The following EFCAB6 variants were observed in gnomAD, a reference collection of about 807,000 sequenced individuals.
EFCAB6 encodes EF-hand calcium-binding domain-containing protein 6.
EFCAB6 carries 156 observed loss-of-function variants against 169.8 expected under a neutral mutation model. That is an observed-to-expected ratio of 0.92 (90% CI 0.81 to 1.05). EFCAB6 has a LOEUF of 1.05. EFCAB6 is among the 50% of genes least tolerant of loss of function. EFCAB6 has a pLI of 0.00. For missense variants in EFCAB6, 1,800 were observed against 1,829.1 expected (o/e 0.98, Z 0.29); for synonymous variants, 698 against 676.4 (o/e 1.03, Z -0.50).
intron 29 of EFCAB6, chr22:43,535,510 G>A (rs1251322245): frequency 1.3e-5 from 2 of 152,218 alleles, no homozygotes; most frequent in African/African-American, 4.8e-5. Flanking sequence ...AGTGTTGCTG[G>A]TGGCCGAGAG....
At chr22:43,683,900 G>A in intron 11 of EFCAB6, 45 bp from the exon 12 acceptor site, 1 of 1,462,386 alleles carries the variant, frequency 6.8e-7, no homozygotes, top group Non-Finnish European at 9.6e-7. Context: ...TTATGTTCTT[G>A]AACTTTGTTC....
chr22:43,740,860 C>G (rs2060343100), intron 6 of EFCAB6, among the ~76,000 whole-genome samples: 2 of 152,200 alleles, frequency 1.3e-5, no homozygotes, highest in African/African-American at 4.8e-5. Context: ...AGATTTACCT[C>G]CTTTGGTAAA....
In EFCAB6 at chr22:43,632,384, C is replaced by G. The variant is rs1056992369; in HGVS notation, c.2099-146G>C. 5.0e-6 allele frequency: 6 copies of G among 1,192,160 alleles called. No homozygotes were observed. In the African/African-American group the frequency reaches 9.5e-5, roughly 19 times the overall value. The allele number at this position is 1,192,160 out of a possible 1,614,324, so 73.8% of individuals were successfully genotyped here. On this transcript the variant is annotated intron_variant, in intron 18 of 31. Transcript: ENST00000262726. ...GTGCAATCTCAGCTCACTGCAACCT[C>G]CACCTCCTGGGTTCAAGCGAGTCTC...
At chr22:43,642,963 C>A (rs961630659) in intron 17 of EFCAB6, among the ~76,000 whole-genome samples, 2 of 152,186 alleles carry the variant, frequency 1.3e-5, no homozygotes, top group African/African-American at 4.8e-5. Flanking sequence ...TGCAGGAAAA[C>A]AGTGACAGCC....
intron 22 of EFCAB6, among the ~76,000 whole-genome samples, chr22:43,603,942 C>T (rs1193295317): frequency 1.3e-5 from 2 of 152,200 alleles, no homozygotes; most frequent in Non-Finnish European, 2.9e-5. Context: ...AGTGGTTTAG[C>T]ATGATCCTCA....
chr22:43,627,219 C>T (rs767146047), intron 19 of EFCAB6, among the ~76,000 whole-genome samples: 1 of 152,188 alleles, frequency 6.6e-6, no homozygotes, highest in Admixed American at 6.5e-5. Context: ...CTCAGCCCAT[C>T]GTGCTGGTTG....
At chr22:43,788,249 A>C (rs2062151547) in intron 2 of EFCAB6, among the ~76,000 whole-genome samples, 1 of 152,230 alleles carries the variant, frequency 6.6e-6, no homozygotes, top group Non-Finnish European at 1.5e-5. Context: ...ATCAAACTTT[A>C]AAACTTTTGT....
chr22:43,731,622 A>G, intron 8 of EFCAB6, 77 bp downstream of exon 8: 1 of 795,828 alleles, frequency 1.3e-6, no homozygotes, highest in Non-Finnish European at 1.9e-6. Context: ...GTATTTCCTC[A>G]GGAATGATCC....
intron 25 of EFCAB6, among the ~76,000 whole-genome samples, chr22:43,579,667 T>C (rs937079647): frequency 2.8e-4 from 37 of 132,190 alleles, no homozygotes; most frequent in Admixed American, 2.6e-3. Flanking sequence ...TCCGTACACG[T>C]AGGCATCATT....
At chr22:43,589,725 T>C (rs1316672207) in intron 24 of EFCAB6, among the ~76,000 whole-genome samples, 1 of 152,076 alleles carries the variant, frequency 6.6e-6, no homozygotes, top group Non-Finnish European at 1.5e-5. Flanking sequence ...GAGGCAGAGG[T>C]TGCAGTGAGC....
intron 3 of EFCAB6, among the ~76,000 whole-genome samples, chr22:43,778,937 A>G (rs939045490): frequency 6.6e-6 from 1 of 152,154 alleles, no homozygotes; most frequent in South Asian, 2.1e-4. Context: ...AGGTAACTTA[A>G]TCCAGGTAAA....
intron 25 of EFCAB6, among the ~76,000 whole-genome samples, chr22:43,578,730 G>C (rs1365480704): frequency 2.0e-5 from 3 of 151,690 alleles, no homozygotes; most frequent in Non-Finnish European, 2.9e-5. Context: ...ATACACACAG[G>C]CATCATTCCC....
chr22:43,531,222 G>T (rs2047044943), intron 30 of EFCAB6, among the ~76,000 whole-genome samples: 1 of 152,154 alleles, frequency 6.6e-6, no homozygotes, highest in South Asian at 2.1e-4. Flanking sequence ...CTGGCAACCC[G>T]GAAAGAAGGC....
rs200105929 is a variant in EFCAB6 at position 43,530,972 on chromosome 22, C to T, written c.4234-8G>A. On this transcript the variant is annotated splice_region_variant and splice_polypyrimidine_tract_variant and intron_variant, in intron 30 of 31. Coordinates refer to ENST00000262726, the MANE Select transcript of EFCAB6 (RefSeq NM_022785.4). ...CTCCGCGCCGGCTTCTTTCTAGACA[C>T]AAGACAAGAAGGGGTGAGGAGGGAG... 4.6e-3 allele frequency: 7,393 copies of T among 1,613,236 alleles called. 29 individuals are homozygous for T. Among genetic ancestry groups the T allele is most frequent in the Middle Eastern group, 0.016 (92 of 5,914 alleles).
At position 43,809,139 on chromosome 22, in the gene EFCAB6, A is replaced by G. The variant is rs895075814; in HGVS notation, c.-144-8T>C. 2 of 152,210 alleles carry G rather than the reference A, an allele frequency of 1.3e-5. No homozygotes were observed. The highest frequency in any genetic ancestry group is 4.8e-5 in the African/African-American group (2 of 41,448). 9.4% of individuals were successfully genotyped at this position (152,210 alleles called of 1,614,324 possible). A position where few individuals can be genotyped will look rare whatever the true frequency, so the allele number is the denominator to read the frequency against. ...AATCCTCTGCGATGAGCCCTGTGAG[A>G]AATTTATTTTAGAAACAGGTTAGAC... On this transcript the variant is annotated splice_polypyrimidine_tract_variant and splice_region_variant and intron_variant, in intron 1 of 31. Transcript: ENST00000262726.
chr22:43,544,472 G>A (rs1295307469), intron 27 of EFCAB6, among the ~76,000 whole-genome samples: 2 of 152,120 alleles, frequency 1.3e-5, no homozygotes, highest in East Asian at 1.9e-4. Context: ...CCTGCAAGGT[G>A]GAAGGAAGGA....
chr22:43,773,059 G>GT lies in EFCAB6; in HGVS notation c.183dup (p.Arg62ThrfsTer13). 6.2e-7 allele frequency: 1 copy of GT among 1,614,156 alleles called. No individual in the cohort carries two copies. Among genetic ancestry groups the GT allele is most frequent in the East Asian group, 2.2e-5 (1 of 44,888 alleles). ...TCGGTAATTTTTTGAAATAAAATCC[G>GT]TTTAACATCTAAGGAGGACAGTGTT... On this transcript the variant is annotated frameshift_variant, in exon 4 of 32. Coordinates refer to ENST00000262726, the MANE Select transcript of EFCAB6 (RefSeq NM_022785.4). LOFTEE classifies it high-confidence loss of function.
chr22:43,716,947 G>A lies in EFCAB6; in HGVS notation c.783C>T (p.Ala261=). The A allele has an allele frequency of 6.4e-7, 1 of 1,565,536 alleles. No individual in the cohort carries two copies. The highest frequency in any genetic ancestry group is 8.6e-7 in the Non-Finnish European group (1 of 1,157,686). ...NQEVSLENQQ[A]KNSKKERLLG... is the part of the protein sequence containing the mutation. The stretch of plus-strand genomic sequence containing the variant: ...GCAAACGTTCCTTTTTGGAATTTTT[G>A]GCTTGTTGATTCTCCAACGAGACCT... Residue 261 remains alanine (A), a synonymous_variant, in exon 9 of 32, where the codon GCC becomes GCT. Transcript: ENST00000262726.
At chr22:43,546,703 C>T (rs2048077448) in intron 27 of EFCAB6, among the ~76,000 whole-genome samples, 1 of 151,960 alleles carries the variant, frequency 6.6e-6, no homozygotes, top group Non-Finnish European at 1.5e-5. Context: ...AAACACCCGT[C>T]TCTACTAAAA....
Sources: gnomAD v4.1 joint callset for allele counts (sites outside exome capture counted in the v4.1 genomes callset) on GRCh38, gnomAD v4.1.1 for gene constraint, MANE v1.5 for transcripts, NCBI Gene and HGNC (gene_info 2026-07-23, HGNC 2026-07-21) for gene names.